The following KCNMB4 variants were observed in gnomAD, a reference collection of about 807,000 sequenced individuals.
KCNMB4 encodes the protein potassium calcium-activated channel subfamily M regulatory beta subunit 4, also known as calcium-activated potassium channel subunit beta-4.
KCNMB4 carries 3 observed loss-of-function variants against 20.7 expected under a neutral mutation model. The ratio of observed to expected loss-of-function variants is 0.14; its 90% CI spans 0.07 to 0.37. The LOEUF (loss-of-function observed/expected upper bound fraction) is 0.37. KCNMB4 is among the 10% of genes least tolerant of loss of function. The probability of loss-of-function intolerance (pLI) is 1.00; values close to 1 mark genes in which losing one functional copy is unlikely to be tolerated. For missense variants in KCNMB4, 168 were observed against 265.9 expected (o/e 0.63, Z 2.56); for synonymous variants, 110 against 113.4 (o/e 0.97, Z 0.19).
intron 2 of KCNMB4, among the ~76,000 whole-genome samples, chr12:70,404,895 T>A (rs1051981336): frequency 6.6e-6 from 1 of 152,182 alleles, no homozygotes; most frequent in African/African-American, 2.4e-5. Context: ...CAAGCTGTAG[T>A]TGAAGCGAAG....
At chr12:70,412,266 T>G (rs1250842984) in intron 2 of KCNMB4, among the ~76,000 whole-genome samples, 1 of 152,170 alleles carries the variant, frequency 6.6e-6, no homozygotes, top group African/African-American at 2.4e-5. Flanking sequence ...TGCTTTCTGA[T>G]GCCACAACAG....
chr12:70,422,600 T>G (rs1053653028), intron 2 of KCNMB4: 3 of 779,570 alleles, frequency 3.8e-6, no homozygotes, highest in Non-Finnish European at 5.5e-6. Flanking sequence ...AAAGGATTTC[T>G]AATTAATAAA....
At chr12:70,400,096 G>A (rs1042202943) in intron 1 of KCNMB4, 113 bp from the exon 2 acceptor site, 6 of 776,850 alleles carry the variant, frequency 7.7e-6, no homozygotes, top group Middle Eastern at 4.1e-4. Context: ...TTAAAAATTA[G>A]GGAGGCCTAA....
rs1593329952 is a variant in KCNMB4, at chr12:70,389,928, T to G, written c.337-10281T>G. ...ATGGGAAATAGAATTTGTAGGCCCA[T>G]GTATAGATCAGAGTTCTATTTCTGA... On this transcript the variant is annotated intron_variant, in intron 1 of 2. Coordinates refer to ENST00000258111, the MANE Select transcript of KCNMB4 (RefSeq NM_014505.6). Among the ~76,000 whole-genome samples, 6 of 152,328 alleles carry G rather than the reference T, an allele frequency of 3.9e-5. 1 individual carries two copies. Among genetic ancestry groups the G allele is most frequent in the Admixed American group, 3.9e-4 (6 of 15,302 alleles).
chr12:70,407,915 C>A (rs892163878), intron 2 of KCNMB4, among the ~76,000 whole-genome samples: 1 of 152,148 alleles, frequency 6.6e-6, no homozygotes, highest in Non-Finnish European at 1.5e-5. Context: ...CCTCTCACCC[C>A]GACTACTCAG....
At chr12:70,367,577 A>AT (rs1024045244) in intron 1 of KCNMB4, among the ~76,000 whole-genome samples, 2 of 152,070 alleles carry the variant, frequency 1.3e-5, no homozygotes, top group African/African-American at 4.8e-5. Context: ...CTACATAGGC[A>AT]TTTTCAACTT....
At position 70,417,983 on chromosome 12, in the gene KCNMB4, A is replaced by G. The variant is rs148405295; in HGVS notation, c.465-12502A>G. On this transcript the variant is annotated intron_variant, in intron 2 of 2. Transcript: ENST00000258111. ...GCCCGTGTTGCTATGCCCCACTTCA[A>G]TTGTCCTATCTAAGAAGCCATCTTG... is the stretch of plus-strand genomic sequence containing the variant. Among the ~76,000 whole-genome samples, 952 of 152,312 alleles carry G rather than the reference A, an allele frequency of 6.3e-3. 14 individuals are homozygous for G. Among genetic ancestry groups the G allele is most frequent in the Admixed American group, 0.032 (488 of 15,300 alleles).
At chr12:70,367,137 C>G in intron 1 of KCNMB4, 67 bp downstream of exon 1, 3 of 1,301,096 alleles carry the variant, frequency 2.3e-6, no homozygotes, top group Non-Finnish European at 2.1e-6. Flanking sequence ...CGGTGTTAGA[C>G]TCCGCGCGGG....
chr12:70,394,186 C>T (rs1046274392), intron 1 of KCNMB4, among the ~76,000 whole-genome samples: 1 of 152,126 alleles, frequency 6.6e-6, no homozygotes, highest in African/African-American at 2.4e-5. Context: ...TAGTTTATTG[C>T]ATAAATTATC....
intron 1 of KCNMB4, among the ~76,000 whole-genome samples, chr12:70,383,838 T>A (rs1336358301): frequency 1.3e-5 from 2 of 152,130 alleles, no homozygotes; most frequent in Non-Finnish European, 2.9e-5. Context: ...GGAGGCCAAG[T>A]TGGGTGGATC....
intron 2 of KCNMB4, among the ~76,000 whole-genome samples, chr12:70,411,396 G>T (rs1373899945): frequency 6.6e-6 from 1 of 152,120 alleles, no homozygotes; most frequent in African/African-American, 2.4e-5. Context: ...AAAAGGCAAA[G>T]AAATGTGTAA....
Position 70,400,353 on chromosome 12 carries a change from A to C in KCNMB4, c.464+17A>C. ...ACATCAAAGGTAAGTCAATATTTGC[A>C]TGTGCGTGTTAAAATTGTTTGTAGA... is the stretch of plus-strand genomic sequence containing the variant. On this transcript the variant is annotated intron_variant, in intron 2 of 2. Coordinates refer to ENST00000258111, the MANE Select transcript of KCNMB4 (RefSeq NM_014505.6). 6.2e-7 allele frequency: 1 copy of C among 1,600,244 alleles called. No homozygotes were observed. The highest frequency in any genetic ancestry group is 8.5e-7 in the Non-Finnish European group (1 of 1,175,144).
chr12:70,366,946 C>A lies in KCNMB4; in HGVS notation c.212C>A (p.Thr71Asn). The A allele has an allele frequency of 6.2e-7, 1 of 1,611,416 alleles. No homozygotes were observed. Among genetic ancestry groups the A allele is most frequent in the Non-Finnish European group, 8.5e-7 (1 of 1,178,818 alleles). ...GGCGAGGTGTTCGAGTGCACCTTCA[C>A]CTGTGGCGCCGACTGCAGGGGCACC... ...QIGEVFECTF[T>N]CGADCRGTSQ... is the part of the protein sequence containing the mutation. Residue 71 changes from threonine to asparagine, a missense_variant, in exon 1 of 3, where the codon ACC becomes AAC. By Grantham distance (65) the Thr-to-Asn change is moderately conservative. Transcript: ENST00000258111.
At chr12:70,411,855 G>A (rs1868788155) in intron 2 of KCNMB4, among the ~76,000 whole-genome samples, 1 of 152,148 alleles carries the variant, frequency 6.6e-6, no homozygotes. Flanking sequence ...CATGCTAAGG[G>A]GTTTAAATTT....
intron 2 of KCNMB4, among the ~76,000 whole-genome samples, chr12:70,417,831 T>C (rs944543609): frequency 6.6e-6 from 1 of 152,016 alleles, no homozygotes; most frequent in African/African-American, 2.4e-5. Context: ...TAGCAGGGTG[T>C]GATGCTCTTC....
chr12:70,381,762 T>A (rs1189064773), intron 1 of KCNMB4, among the ~76,000 whole-genome samples: 1 of 152,242 alleles, frequency 6.6e-6, no homozygotes, highest in African/African-American at 2.4e-5. Flanking sequence ...TACAGGGGTC[T>A]TTTTGGTGTA....
intron 1 of KCNMB4, among the ~76,000 whole-genome samples, chr12:70,394,650 G>A (rs952716614): frequency 6.6e-6 from 1 of 152,090 alleles, no homozygotes; most frequent in African/African-American, 2.4e-5. Flanking sequence ...CACAACATTT[G>A]AAACATTATG....
rs762125328 is a variant in KCNMB4, at chr12:70,366,766, C to G, written c.32C>G (p.Thr11Arg). ...AAGCTCCGGGTGGCTTACGAGTACACGGAAGCCGAGGACAAGAGCATCCGG... is the reference window on the plus strand; with the variant it reads ...AAGCTCCGGGTGGCTTACGAGTACAGGGAAGCCGAGGACAAGAGCATCCGG... Reference protein sequence around the residue: MAKLRVAYEYTEAEDKSIRLG... With the variant: MAKLRVAYEYREAEDKSIRLG... Residue 11 changes from threonine (T) to arginine (R), a missense_variant, in exon 1 of 3, where the codon ACG (threonine) becomes AGG (arginine). Physicochemically the swap from Thr to Arg is moderately conservative, Grantham distance 71 (BLOSUM62 -1). Coordinates refer to ENST00000258111, the MANE Select transcript of KCNMB4 (RefSeq NM_014505.6). 1 of 1,608,742 alleles carries G rather than the reference C, an allele frequency of 6.2e-7. No individual in the cohort carries two copies. The highest frequency in any genetic ancestry group is 8.5e-7 in the Non-Finnish European group (1 of 1,179,164).
At chr12:70,380,338 C>T (rs1245289664) in intron 1 of KCNMB4, among the ~76,000 whole-genome samples, 1 of 152,072 alleles carries the variant, frequency 6.6e-6, no homozygotes, top group African/African-American at 2.4e-5. Context: ...ATAATAGTAA[C>T]ATCAAAGATT....
Sources: allele counts gnomAD v4.1 joint callset (sites outside exome capture counted in the v4.1 genomes callset), GRCh38; gene constraint gnomAD v4.1.1; transcripts MANE v1.5; gene names NCBI Gene and HGNC (gene_info 2026-07-23, HGNC 2026-07-21).